PSME4: variants seen among roughly 807,000 people sequenced by gnomAD.
PSME4 encodes proteasome activator complex subunit 4.
PSME4 carries 89 observed loss-of-function variants against 253.9 expected under a neutral mutation model. The observed-to-expected ratio is 0.35, with a 90% CI of 0.30 to 0.42. The LOEUF (loss-of-function observed/expected upper bound fraction) is 0.42, where lower values mean the gene tolerates loss of function less well. PSME4 is among the 10% of genes least tolerant of loss of function. PSME4 has a pLI of 1.00. For missense variants in PSME4, 2,014 were observed against 2,195.2 expected, an observed-to-expected ratio of 0.92 and a Z score of 1.65; for synonymous variants, 851 against 759.2, an observed-to-expected ratio of 1.12 and a Z score of -1.99.
intron 1 of PSME4, among the ~76,000 whole-genome samples, chr2:53,955,455 G>A (rs562712387): frequency 6.6e-6 from 1 of 152,096 alleles, no homozygotes; most frequent in East Asian, 1.9e-4. Context: ...TTCCAATGTG[G>A]GCCAGGGAGG....
chr2:53,970,752 C>A lies in PSME4; in HGVS notation c.33G>T (p.Glu11Asp). The A allele has an allele frequency of 3.2e-6, 5 of 1,545,022 alleles. No homozygotes were observed. Among genetic ancestry groups the A allele is most frequent in the Non-Finnish European group, 4.4e-6 (5 of 1,145,180 alleles). Reference sequence around the variant, plus strand: ...CGGGACGCCCGCCCGGCTCCGGGGGCTCTCCGACTCCCGCCCGCTCGGCCG... The same window carrying A: ...CGGGACGCCCGCCCGGCTCCGGGGGATCTCCGACTCCCGCCCGCTCGGCCG... MEPAERAGVG[E>D]PPEPGGRPEP... Residue 11 changes from glutamate (E) to aspartate (D), a missense_variant, in exon 1 of 47, where the codon GAG becomes GAT. By Grantham distance (45) the Glu-to-Asp change is conservative (BLOSUM62 2). Around this residue, in one of 4 missense-constraint regions of PSME4, gnomAD observed 615 missense variants for 594.4 expected, o/e 1.03. Transcript: ENST00000404125.
chr2:53,913,363 A>C (rs924715759), intron 20 of PSME4, among the ~76,000 whole-genome samples: 1 of 152,258 alleles, frequency 6.6e-6, no homozygotes, highest in Non-Finnish European at 1.5e-5. Context: ...GGTAGGAAAG[A>C]AGGGATGCTG....
intron 10 of PSME4, among the ~76,000 whole-genome samples, chr2:53,929,753 C>T (rs1323345978): frequency 2.6e-5 from 4 of 152,064 alleles, no homozygotes; most frequent in Non-Finnish European, 2.9e-5. Context: ...CATGGTGGCT[C>T]ACACCTGTAA....
At chr2:53,940,069 ATATC>A (rs1396605202) in intron 3 of PSME4, 69 bp from the exon 4 acceptor site, 8 of 1,188,504 alleles carry the variant, frequency 6.7e-6, no homozygotes, top group South Asian at 3.1e-5. Context: ...CAATTAATAA[ATATC>A]TATAAGATAA....
intron 45 of PSME4, among the ~76,000 whole-genome samples, chr2:53,866,509 C>A (rs1558636361): frequency 6.6e-6 from 1 of 152,164 alleles, no homozygotes; most frequent in Non-Finnish European, 1.5e-5. Context: ...TACTTTACTT[C>A]CATTGGACTG....
At chr2:53,912,051 C>T (rs1473752037) in intron 20 of PSME4, among the ~76,000 whole-genome samples, 1 of 152,108 alleles carries the variant, frequency 6.6e-6, no homozygotes, top group Non-Finnish European at 1.5e-5. Flanking sequence ...AAATAAAAGC[C>T]TTATCTTCTT....
In PSME4 at chr2:53,873,769, A is replaced by G. The variant is rs530466995; in HGVS notation, c.5100+570T>C. On this transcript the variant is annotated intron_variant, in intron 43 of 46. Coordinates refer to ENST00000404125, the MANE Select transcript of PSME4 (RefSeq NM_014614.3). Reference sequence around the variant, plus strand: ...TCTCATGAGTTCCTTAAAAATCAGTAGGACTAGTGGGACAATTACAATTAT... The same window carrying G: ...TCTCATGAGTTCCTTAAAAATCAGTGGGACTAGTGGGACAATTACAATTAT... Among the ~76,000 whole-genome samples, 62 of 152,316 alleles carry G rather than the reference A, an allele frequency of 4.1e-4. 1 individual carries two copies. The South Asian group carries it at 0.013, about 32-fold the overall frequency.
intron 38 of PSME4, 100 bp downstream of exon 38, chr2:53,888,621 T>A (rs1679748883): frequency 5.4e-6 from 4 of 739,944 alleles, no homozygotes; most frequent in Non-Finnish European, 8.8e-6. Context: ...AGTAATTACT[T>A]CATCTAGACT....
intron 20 of PSME4, among the ~76,000 whole-genome samples, chr2:53,913,808 A>G (rs948725955): frequency 3.3e-5 from 5 of 152,218 alleles, no homozygotes; most frequent in African/African-American, 1.2e-4. Context: ...TCTGACACAT[A>G]AGCTTTTAAA....
chr2:53,970,738 C>G lies in PSME4; in HGVS notation c.47G>C (p.Gly16Ala). Residue 16 changes from glycine to alanine, a missense_variant, in exon 1 of 47, where the codon GGC becomes GCC. Around this residue, in one of 4 missense-constraint regions of PSME4, gnomAD observed 615 missense variants for 594.4 expected, o/e 1.03. Transcript: ENST00000404125. ...CCGCGGGCCCGGCTCGGGACGCCCG[C>G]CCGGCTCCGGGGGCTCTCCGACTCC... ...RAGVGEPPEP[G>A]GRPEPGPRGF... The G allele has an allele frequency of 6.5e-7, 1 of 1,547,126 alleles. No homozygotes were observed. Among genetic ancestry groups the G allele is most frequent in the Admixed American group, 2.0e-5 (1 of 50,874 alleles).
At position 53,931,949 on chromosome 2, in the gene PSME4, A is replaced by C; in HGVS notation, c.1202T>G (p.Ile401Ser). Residue 401 changes from isoleucine to serine, a missense_variant, in exon 10 of 47, where the codon ATT becomes AGT. Physicochemically the swap from Ile to Ser is moderately radical, Grantham distance 142. Around this residue, in one of 4 missense-constraint regions of PSME4, gnomAD observed 615 missense variants for 594.4 expected, o/e 1.03. Coordinates refer to ENST00000404125, the MANE Select transcript of PSME4 (RefSeq NM_014614.3). ...AAACATAGCCAAGAGGACAGGCTGAATAATGCATTGTACAAAGTCTGTAAC... is the reference window on the plus strand; with the variant it reads ...AAACATAGCCAAGAGGACAGGCTGACTAATGCATTGTACAAAGTCTGTAAC... The part of the protein sequence containing the change: ...QDVTDFVQCI[I>S]QPVLLAMFSK... The C allele has an allele frequency of 6.2e-7, 1 of 1,614,138 alleles. No homozygotes were observed.
chr2:53,903,617 A>G (rs1680512354), intron 27 of PSME4, among the ~76,000 whole-genome samples: 2 of 152,228 alleles, frequency 1.3e-5, no homozygotes, highest in African/African-American at 4.8e-5. Context: ...CACACTGGTC[A>G]TACTACTCTA....
At chr2:53,885,883 C>T (rs556550208) in intron 40 of PSME4, 108 bp from the exon 41 acceptor site, 13 of 657,022 alleles carry the variant, frequency 2.0e-5, no homozygotes, top group East Asian at 5.6e-5. Flanking sequence ...GACAGCTCTT[C>T]GGTGCTATGA....
chr2:53,932,591 C>T, intron 9 of PSME4, 77 bp downstream of exon 9: 2 of 1,201,456 alleles, frequency 1.7e-6, no homozygotes, highest in Admixed American at 1.7e-5. Flanking sequence ...TATTACAGGT[C>T]ACACAATAGG....
At chr2:53,892,567 AT>A (rs201387337) in intron 36 of PSME4, among the ~76,000 whole-genome samples, 1 of 152,000 alleles carries the variant, frequency 6.6e-6, no homozygotes, top group Admixed American at 6.6e-5. Context: ...TTCTTTTTTA[AT>A]TTTTTTTAAA....
chr2:53,955,890 C>G lies in PSME4; in HGVS notation c.243-6607G>C, dbSNP rs116054472. ...CGTGCCAAGATCGTGCCACTGCACTCCAACCTAGGCAACAGTGAGACCTTA... is the reference window on the plus strand; with the variant it reads ...CGTGCCAAGATCGTGCCACTGCACTGCAACCTAGGCAACAGTGAGACCTTA... On this transcript the variant is annotated intron_variant, in intron 1 of 46. Transcript: ENST00000404125. Among the ~76,000 whole-genome samples, 1,164 of 152,226 alleles carry G rather than the reference C, an allele frequency of 7.6e-3. 13 individuals are homozygous for G. The highest frequency in any genetic ancestry group is 0.027 in the African/African-American group (1,106 of 41,540).
intron 10 of PSME4, among the ~76,000 whole-genome samples, chr2:53,929,186 T>A (rs551955984): frequency 3.6e-4 from 55 of 151,222 alleles, no homozygotes; most frequent in African/African-American, 1.3e-3. Flanking sequence ...CAAAAGAACA[T>A]CAACTGATAG....
chr2:53,920,268 T>A lies in PSME4; in HGVS notation c.2345A>T (p.Tyr782Phe). The A allele has an allele frequency of 6.2e-7, 1 of 1,613,732 alleles. No individual in the cohort carries two copies. The highest frequency in any genetic ancestry group is 2.2e-5 in the East Asian group (1 of 44,860). ...AGGCTGAAGAAAGGAGTCCAAAAGA[T>A]AAAAGGCAAAAGACACTTCTTCTGA... The part of the protein sequence containing the change: ...PSSEEVSFAF[Y>F]LLDSFLQPEL... The change falls in exon 19 of 47, where the codon TAT becomes TTT. Residue 782 changes from tyrosine (Y) to phenylalanine (F), a missense_variant. Coordinates refer to ENST00000404125, the MANE Select transcript of PSME4 (RefSeq NM_014614.3).
intron 4 of PSME4, among the ~76,000 whole-genome samples, chr2:53,938,349 C>T (rs1183203268): frequency 1.3e-5 from 2 of 152,058 alleles, no homozygotes; most frequent in Non-Finnish European, 2.9e-5. Flanking sequence ...CTGTGATATT[C>T]CATAACTGTA....
Sources: gnomAD v4.1 joint callset for allele counts (sites outside exome capture counted in the v4.1 genomes callset) on GRCh38, gnomAD v4.1.1 for gene constraint, gnomAD v4.1.1 regional missense constraint, MANE v1.5 for transcripts, NCBI Gene and HGNC (gene_info 2026-07-23, HGNC 2026-07-21) for gene names.